SGCD: variants seen among roughly 807,000 people sequenced by gnomAD.
The protein encoded by SGCD is sarcoglycan delta, also known as delta-sarcoglycan.
SGCD carries 18 observed loss-of-function variants against 36.6 expected under a neutral mutation model. The ratio of observed to expected loss-of-function variants is 0.49; its 90% CI spans 0.34 to 0.73. SGCD has a LOEUF of 0.73. Among genes scored for constraint, SGCD ranks in the 30% least tolerant of loss-of-function variants. SGCD has a pLI of 0.01. For synonymous variants in SGCD, 133 were observed against 130.6 expected, an observed-to-expected ratio of 1.02 and a Z score of -0.12; for missense variants, 387 against 346.7, an observed-to-expected ratio of 1.12 and a Z score of -0.92.
At chr5:156,186,244 T>A (rs1470464241) in intron 3 of SGCD, among the ~76,000 whole-genome samples, 3 of 152,122 alleles carry the variant, frequency 2.0e-5, no homozygotes, top group African/African-American at 7.2e-5. Flanking sequence ...AATATAAACA[T>A]GGGGTGACTT....
intron 3 of SGCD, among the ~76,000 whole-genome samples, chr5:156,488,083 T>C (rs973384782): frequency 3.6e-5 from 5 of 137,616 alleles, no homozygotes; most frequent in Non-Finnish European, 6.1e-5. Context: ...AAAGAACTTC[T>C]GAACTTGAAG....
intron 1 of SGCD, among the ~76,000 whole-genome samples, chr5:155,910,591 AG>A (rs1269375249): frequency 6.6e-6 from 1 of 152,138 alleles, no homozygotes; most frequent in Non-Finnish European, 1.5e-5. Context: ...GCCATGAAAA[AG>A]CACAATACTA....
chr5:156,191,439 C>T (rs1053525017), intron 3 of SGCD, among the ~76,000 whole-genome samples: 5 of 152,074 alleles, frequency 3.3e-5, no homozygotes, highest in African/African-American at 1.2e-4. Context: ...TCTGCAGTTT[C>T]TAGGATGACT....
chr5:156,178,422 G>A (rs6897151), intron 3 of SGCD, among the ~76,000 whole-genome samples: 50,925 of 152,062 alleles, frequency 0.33, 9,236 homozygotes, highest in East Asian at 0.57. Flanking sequence ...TGCTTTCAGA[G>A]CAGGACTATA....
chr5:155,865,880 C>T (rs1240002008), upstream of SGCD, among the ~76,000 whole-genome samples: 1 of 152,178 alleles, frequency 6.6e-6, no homozygotes, highest in African/African-American at 2.4e-5. Context: ...CAAATGCTGT[C>T]AGTTGCTATC....
chr5:156,650,328 A>T (rs1247004850), intron 7 of SGCD, among the ~76,000 whole-genome samples: 1 of 152,022 alleles, frequency 6.6e-6, no homozygotes, highest in East Asian at 1.9e-4. Flanking sequence ...GAAAGCATGA[A>T]TTTTTTTTAA....
chr5:155,980,791 C>A (rs562309826), intron 1 of SGCD, among the ~76,000 whole-genome samples: 1 of 152,138 alleles, frequency 6.6e-6, no homozygotes, highest in South Asian at 2.1e-4. Context: ...AAAAATAATT[C>A]TCCCAAAGAA....
chr5:155,814,478 A>G, the SGCD span, among the ~76,000 whole-genome samples: 1 of 152,258 alleles, frequency 6.6e-6, no homozygotes, highest in African/African-American at 2.4e-5. Flanking sequence ...GTTAATTTCT[A>G]TTTCCTGTTC....
chr5:156,632,183 A>G (rs1762663551), intron 6 of SGCD, among the ~76,000 whole-genome samples: 1 of 152,068 alleles, frequency 6.6e-6, no homozygotes, highest in African/African-American at 2.4e-5. Context: ...ATCTTTGAAA[A>G]TAACTGATTA....
intron 3 of SGCD, among the ~76,000 whole-genome samples, chr5:156,271,993 T>A (rs542437165): frequency 6.6e-6 from 1 of 152,348 alleles, no homozygotes; most frequent in Admixed American, 6.5e-5. Flanking sequence ...ATGTCACTTG[T>A]CTTATAATTT....
At chr5:156,408,207 A>G (rs1772526866) in intron 3 of SGCD, among the ~76,000 whole-genome samples, 2 of 152,158 alleles carry the variant, frequency 1.3e-5, no homozygotes, top group South Asian at 4.1e-4. Flanking sequence ...AGCTTTAAGC[A>G]TTTTACAAGG....
intron 6 of SGCD, among the ~76,000 whole-genome samples, chr5:156,609,815 C>A (rs369006778): frequency 1.3e-5 from 2 of 152,152 alleles, no homozygotes; most frequent in Non-Finnish European, 2.9e-5. Context: ...TCACTGATAC[C>A]CTTTCTTCCA....
At chr5:155,849,446 G>GCACACA in the SGCD span, among the ~76,000 whole-genome samples, 52 of 149,934 alleles carry the variant, frequency 3.5e-4, 1 homozygote, top group Middle Eastern at 0.024. Flanking sequence ...ATGTGCGCGC[G>GCACACA]CACACACACA....
intron 6 of SGCD, among the ~76,000 whole-genome samples, chr5:156,605,304 G>T (rs893584242): frequency 6.6e-6 from 1 of 151,976 alleles, no homozygotes; most frequent in Non-Finnish European, 1.5e-5. Context: ...TGCAGTGTTT[G>T]GTTTTTTGTC....
At chr5:155,955,793 A>G (rs1757638218) in intron 1 of SGCD, among the ~76,000 whole-genome samples, 1 of 152,166 alleles carries the variant, frequency 6.6e-6, no homozygotes, top group African/African-American at 2.4e-5. Context: ...AAACAAAGAT[A>G]CGTCAACTAA....
intron 3 of SGCD, among the ~76,000 whole-genome samples, chr5:156,419,911 C>T (rs539466990): frequency 2.0e-5 from 3 of 152,158 alleles, no homozygotes; most frequent in South Asian, 4.1e-4. Flanking sequence ...TGTAAAATCA[C>T]ACAATGAGCT....
At position 156,757,591 on chromosome 5, in the gene SGCD, C is replaced by A. The variant is rs1757387093; in HGVS notation, c.586C>A (p.Pro196Thr). 1 of 1,606,600 alleles carries A rather than the reference C, an allele frequency of 6.2e-7. No homozygotes were observed. Among genetic ancestry groups the A allele is most frequent in the East Asian group, 2.2e-5 (1 of 44,716 alleles). ...DPFKELRLES[P>T]TRSLVMEAPK... ...TTGGGTGTTTTTCAGGTTGGAGTCC[C>A]CAACCCGGTCTCTAGTGATGGAGGC... is the stretch of plus-strand genomic sequence containing the variant. Residue 196 changes from proline to threonine, a missense_variant, in exon 8 of 9, where the codon CCA (proline) becomes ACA (threonine). By Grantham distance (38) the Pro-to-Thr change is conservative (BLOSUM62 -1). Transcript: ENST00000337851.
Position 156,427,741 on chromosome 5 carries a change from CA to C in SGCD, c.193-80859del, listed in dbSNP as rs1240018654. Among the ~76,000 whole-genome samples the C allele has an allele frequency of 2.0e-5, 3 of 152,200 alleles. No homozygotes were observed. In the East Asian group the frequency reaches 5.8e-4, roughly 29 times the overall value. ...TGCCAATTTTGTTGAGAGGTTTTAT[CA>C]TAAAGGGATGCTGGATTTTATTAAA... On this transcript the variant is annotated intron_variant, in intron 3 of 8. Transcript: ENST00000337851.
chr5:155,934,198 G>A (rs1258750732), intron 1 of SGCD, among the ~76,000 whole-genome samples: 3 of 152,202 alleles, frequency 2.0e-5, no homozygotes, highest in Admixed American at 2.0e-4. Flanking sequence ...AATGTTGCCA[G>A]GTGCAGAGCC....
Sources: gnomAD v4.1 joint callset for allele counts (sites outside exome capture counted in the v4.1 genomes callset) on GRCh38, gnomAD v4.1.1 for gene constraint, MANE v1.5 for transcripts, NCBI Gene and HGNC (gene_info 2026-07-23, HGNC 2026-07-21) for gene names.